The following PACRG variants were observed in gnomAD, a reference collection of about 807,000 sequenced individuals.
The protein encoded by PACRG is parkin coregulated, also known as parkin coregulated gene protein.
PACRG carries 29 observed loss-of-function variants against 29.7 expected under a neutral mutation model. The ratio of observed to expected loss-of-function variants is 0.98; its 90% CI spans 0.73 to 1.33. The LOEUF is 1.33. Ranked by LOEUF, PACRG falls within the 40% of genes most tolerant of loss-of-function variation. The pLI is 0.00. For missense variants in PACRG, 279 were observed against 316.2 expected (o/e 0.88, Z 0.89); for synonymous variants, 116 against 118.7 (o/e 0.98, Z 0.15).
intron 2 of PACRG, among the ~76,000 whole-genome samples, chr6:162,884,985 T>C (rs1794209934): frequency 6.6e-6 from 1 of 152,148 alleles, no homozygotes; most frequent in Non-Finnish European, 1.5e-5. Flanking sequence ...GGTCTCTCAA[T>C]ATACATTTTT....
At chr6:163,078,494 C>CA (rs1005717885) in intron 3 of PACRG, among the ~76,000 whole-genome samples, 11 of 87,660 alleles carry the variant, frequency 1.3e-4, no homozygotes, top group Middle Eastern at 6.1e-3. Context: ...AATTTAGTCT[C>CA]AAAAAAAAAG....
chr6:163,130,853 G>A (rs1325795455), intron 4 of PACRG, among the ~76,000 whole-genome samples: 1 of 152,122 alleles, frequency 6.6e-6, no homozygotes, highest in African/African-American at 2.4e-5. Context: ...ACTGCAGGTG[G>A]GTGTACTGAG....
chr6:163,134,957 C>T (rs1816869770), intron 4 of PACRG, among the ~76,000 whole-genome samples: 1 of 152,186 alleles, frequency 6.6e-6, no homozygotes, highest in Non-Finnish European at 1.5e-5. Flanking sequence ...TTTGACCTCT[C>T]CTCCCTACTC....
At chr6:163,275,909 T>C (rs1784005782) in intron 4 of PACRG, among the ~76,000 whole-genome samples, 1 of 152,128 alleles carries the variant, frequency 6.6e-6, no homozygotes, top group African/African-American at 2.4e-5. Flanking sequence ...CCTGCCACAC[T>C]GGGACACTGT....
At chr6:163,251,212 C>A (rs185762793) in intron 4 of PACRG, among the ~76,000 whole-genome samples, 2 of 151,648 alleles carry the variant, frequency 1.3e-5, no homozygotes, top group Admixed American at 6.6e-5. Flanking sequence ...CACTAAAGAA[C>A]GTACTCATGT....
At chr6:163,107,446 A>G (rs1815445225) in intron 4 of PACRG, among the ~76,000 whole-genome samples, 1 of 152,212 alleles carries the variant, frequency 6.6e-6, no homozygotes, top group Non-Finnish European at 1.5e-5. Flanking sequence ...ATCCCAGTTG[A>G]GTGTCAACCC....
chr6:163,241,344 A>G (rs2128168354), intron 4 of PACRG, among the ~76,000 whole-genome samples: 1 of 152,326 alleles, frequency 6.6e-6, no homozygotes, highest in South Asian at 2.1e-4. Context: ...TTACACACCA[A>G]GAAAAGCAGA....
intron 2 of PACRG, among the ~76,000 whole-genome samples, chr6:162,955,463 C>T (rs934153220): frequency 9.2e-5 from 14 of 152,148 alleles, no homozygotes; most frequent in Non-Finnish European, 1.8e-4. Flanking sequence ...CCACACCCGG[C>T]TAATTTTTTG....
Position 162,981,231 on chromosome 6 carries a change from G to T in PACRG, c.292-80919G>T, listed in dbSNP as rs192309048. On this transcript the variant is annotated intron_variant, in intron 2 of 4. Coordinates refer to ENST00000366888, the MANE Select transcript of PACRG (RefSeq NM_001080379.2). ...TGCCGTTATTTCATTCCTTTTGATG[G>T]CTGAGTAGTATTCCATGGTGTATAT... 6.0e-5 allele frequency among the ~76,000 whole-genome samples: 9 copies of T among 150,802 alleles called. No homozygotes were observed. The East Asian group carries it at 1.8e-3, about 29-fold the overall frequency.
At chr6:163,286,181 A>G (rs1244952098) in intron 4 of PACRG, among the ~76,000 whole-genome samples, 1 of 152,212 alleles carries the variant, frequency 6.6e-6, no homozygotes, top group African/African-American at 2.4e-5. Flanking sequence ...TCAGTGGTTT[A>G]TAAAATCTTC....
At chr6:163,279,790 A>T (rs187277001) in intron 4 of PACRG, among the ~76,000 whole-genome samples, 15 of 152,164 alleles carry the variant, frequency 9.9e-5, no homozygotes, top group Admixed American at 7.8e-4. Context: ...CAAATTATTC[A>T]CTATCACATA....
At position 162,757,984 on chromosome 6, in the gene PACRG, G is replaced by A. The variant is rs1024693448; in HGVS notation, c.156+29593G>A. On this transcript the variant is annotated intron_variant, in intron 1 of 4. Transcript: ENST00000366888. Reference sequence around the variant, plus strand: ...ATTCTCTCCTATGAGGTTGTCAATAGTACGAAAGTCTGAAAACTTACTTTA... The same window carrying A: ...ATTCTCTCCTATGAGGTTGTCAATAATACGAAAGTCTGAAAACTTACTTTA... Among the ~76,000 whole-genome samples, 5 of 152,234 alleles carry A rather than the reference G, an allele frequency of 3.3e-5. 1 individual carries two copies. The East Asian group carries it at 9.7e-4, about 29-fold the overall frequency.
chr6:162,964,255 T>C (rs1332717326), intron 2 of PACRG, among the ~76,000 whole-genome samples: 3 of 152,184 alleles, frequency 2.0e-5, no homozygotes, highest in Non-Finnish European at 4.4e-5. Context: ...TTACTCTTCT[T>C]GTCTATAAAA....
At chr6:162,957,224 T>C in intron 2 of PACRG, 1 of 424,974 alleles carries the variant, frequency 2.4e-6, no homozygotes, top group Non-Finnish European at 4.5e-6. Flanking sequence ...CCTTCAACAC[T>C]TTCACAGCTT....
intron 2 of PACRG, among the ~76,000 whole-genome samples, chr6:162,850,329 A>G (rs1289501755): frequency 6.6e-6 from 1 of 152,238 alleles, no homozygotes; most frequent in Non-Finnish European, 1.5e-5. Context: ...ATTGGTCTTC[A>G]GCCCATTTCC....
intron 2 of PACRG, among the ~76,000 whole-genome samples, chr6:162,859,525 C>T (rs908820254): frequency 1.3e-5 from 2 of 152,108 alleles, no homozygotes; most frequent in African/African-American, 4.8e-5. Flanking sequence ...ACTCTCTCAC[C>T]TTCTCCCTCC....
At chr6:162,888,878 A>T (rs1794557684) in intron 2 of PACRG, among the ~76,000 whole-genome samples, 1 of 152,188 alleles carries the variant, frequency 6.6e-6, no homozygotes, top group African/African-American at 2.4e-5. Flanking sequence ...CTGCCCAAAT[A>T]GGAAGGAAGG....
intron 2 of PACRG, among the ~76,000 whole-genome samples, chr6:163,026,617 T>C (rs761661430): frequency 3.3e-5 from 5 of 152,204 alleles, no homozygotes; most frequent in Non-Finnish European, 7.4e-5. Flanking sequence ...ACCTCCCAGG[T>C]TCCCCCATAA....
chr6:162,982,163 G>A (rs1802492135), intron 2 of PACRG, among the ~76,000 whole-genome samples: 1 of 151,738 alleles, frequency 6.6e-6, no homozygotes, highest in Non-Finnish European at 1.5e-5. Context: ...TTCCAATTGA[G>A]CTTATCTGGA....
Sources: gnomAD v4.1 joint callset for allele counts (sites outside exome capture counted in the v4.1 genomes callset) on GRCh38, gnomAD v4.1.1 for gene constraint, MANE v1.5 for transcripts, NCBI Gene and HGNC (gene_info 2026-07-23, HGNC 2026-07-21) for gene names.